Variants in EHMT1 observed in about 807,000 individuals in gnomAD.
EHMT1 encodes euchromatic histone lysine methyltransferase 1.
EHMT1 carries 15 observed loss-of-function variants against 147.2 expected under a neutral mutation model. The ratio of observed to expected loss-of-function variants is 0.10; its 90% CI spans 0.07 to 0.16. The LOEUF (loss-of-function observed/expected upper bound fraction) is 0.16. Among genes scored for constraint, EHMT1 ranks in the 10% least tolerant of loss-of-function variants. The pLI is 1.00. For synonymous variants in EHMT1, 795 were observed against 709.6 expected (o/e 1.12, Z -1.91); for missense variants, 1,587 against 1,772.4 (o/e 0.90, Z 1.88).
chr9:137,773,478 C>A (rs1321668448), intron 10 of EHMT1, among the ~76,000 whole-genome samples: 2 of 150,824 alleles, frequency 1.3e-5, no homozygotes, highest in Non-Finnish European at 3.0e-5. Flanking sequence ...CTCTTGCTGG[C>A]TTCAGGGTAG....
intron 1 of EHMT1, among the ~76,000 whole-genome samples, chr9:137,658,876 C>T (rs111816804): frequency 6.6e-6 from 1 of 152,136 alleles, no homozygotes; most frequent in Non-Finnish European, 1.5e-5. Flanking sequence ...CCTCACACCT[C>T]AGCCTCCCAA....
intron 18 of EHMT1, among the ~76,000 whole-genome samples, chr9:137,802,115 C>T (rs1176634193): frequency 6.6e-6 from 1 of 152,198 alleles, no homozygotes; most frequent in Non-Finnish European, 1.5e-5. Flanking sequence ...GACTGATTAA[C>T]TCAAAAGGGT....
chr9:137,734,634 G>A (rs549853810), intron 4 of EHMT1, among the ~76,000 whole-genome samples: 4 of 152,182 alleles, frequency 2.6e-5, no homozygotes, highest in Non-Finnish European at 5.9e-5. Context: ...TGAACTCAAA[G>A]AGACCCACAG....
intron 1 of EHMT1, among the ~76,000 whole-genome samples, chr9:137,696,790 C>T (rs1332406148): frequency 6.6e-6 from 1 of 152,196 alleles, no homozygotes; most frequent in African/African-American, 2.4e-5. Flanking sequence ...ACACACCCCT[C>T]CCAAAACACA....
In EHMT1 at chr9:137,828,740, GA is replaced by G. The variant is rs1301762164; in HGVS notation, c.3541-5604del. ...TCTCTAAGGCCGGTGGTTCTGGACA[GA>G]AAAACCACAAAAATGAGAAGACCAG... is the stretch of plus-strand genomic sequence containing the variant. On this transcript the variant is annotated intron_variant, in intron 25 of 26. Transcript: ENST00000460843. This position sits in a 1 kb window ranked among gnomAD's most constrained non-coding sequence, Gnocchi z 5.3. Among the ~76,000 whole-genome samples, 1 of 152,154 alleles carries G rather than the reference GA, an allele frequency of 6.6e-6. No individual in the cohort carries two copies. Among genetic ancestry groups the G allele is most frequent in the African/African-American group, 2.4e-5 (1 of 41,432 alleles).
chr9:137,787,793 T>C lies in EHMT1; in HGVS notation c.2383-3055T>C, dbSNP rs1952108316. Reference sequence around the variant, plus strand: ...GAAGAGGGCGTCTAGATCCCAGCCCTGGGGGCCCTCAGGTTTCAGGGGCCA... The same window carrying C: ...GAAGAGGGCGTCTAGATCCCAGCCCCGGGGGCCCTCAGGTTTCAGGGGCCA... On this transcript the variant is annotated intron_variant, in intron 15 of 26. Transcript: ENST00000460843. The surrounding 1 kb of genome is among the most constrained non-coding windows in gnomAD (Gnocchi z 4.2). The C allele has an allele frequency of 1.2e-6, 1 of 854,908 alleles. No individual in the cohort carries two copies. Among genetic ancestry groups the C allele is most frequent in the East Asian group, 2.4e-5 (1 of 41,450 alleles). 53.0% of individuals were successfully genotyped at this position (854,908 alleles called of 1,614,324 possible). A position where few individuals can be genotyped will look rare whatever the true frequency, so the allele number is the denominator to read the frequency against.
At chr9:137,804,567 T>A (rs1443610261) in intron 18 of EHMT1, among the ~76,000 whole-genome samples, 5 of 152,198 alleles carry the variant, frequency 3.3e-5, no homozygotes, top group Admixed American at 1.3e-4. Context: ...TTTTAAAAGT[T>A]TTTATAAAGT....
At chr9:137,654,484 G>A (rs1341892528) in intron 1 of EHMT1, among the ~76,000 whole-genome samples, 1 of 151,688 alleles carries the variant, frequency 6.6e-6, no homozygotes, top group Non-Finnish European at 1.5e-5. Flanking sequence ...TTGTTCCTTA[G>A]GCCAGTATCA....
At chr9:137,801,838 G>T (rs1209713722) in intron 18 of EHMT1, among the ~76,000 whole-genome samples, 2 of 152,026 alleles carry the variant, frequency 1.3e-5, no homozygotes, top group Non-Finnish European at 2.9e-5. Flanking sequence ...TAGCCATGTT[G>T]GCCAGGCTGG....
chr9:137,729,191 G>C (rs954018486), intron 4 of EHMT1, among the ~76,000 whole-genome samples: 1 of 152,154 alleles, frequency 6.6e-6, no homozygotes, highest in African/African-American at 2.4e-5. Flanking sequence ...CCTCGTGAAT[G>C]CTGGGAGGTC....
At position 137,814,523 on chromosome 9, in the gene EHMT1, G is replaced by C; in HGVS notation, c.3258+15G>C. ...GGTACGACAAGGTGAGGGCGGCCTCGTGTGCGTGGGCTCAGGTGGTAAGTG... is the reference window on the plus strand; with the variant it reads ...GGTACGACAAGGTGAGGGCGGCCTCCTGTGCGTGGGCTCAGGTGGTAAGTG... On this transcript the variant is annotated intron_variant, in intron 22 of 26. Transcript: ENST00000460843. 6.2e-7 allele frequency: 1 copy of C among 1,603,098 alleles called. No homozygotes were observed. The highest frequency in any genetic ancestry group is 8.5e-7 in the Non-Finnish European group (1 of 1,179,948).
chr9:137,807,350 G>T (rs1290579114), intron 18 of EHMT1, among the ~76,000 whole-genome samples: 1 of 152,146 alleles, frequency 6.6e-6, no homozygotes, highest in Admixed American at 6.5e-5. Flanking sequence ...TCCGGTCTGT[G>T]TGCTTACATT....
In EHMT1 at chr9:137,752,311, T is replaced by G; in HGVS notation, c.1171-20T>G. ...TCTGTTTTCTGTTTGGGTTCCCGCTTCGACTGTGTGGCTGATCAGATGGAC... is the reference window on the plus strand; with the variant it reads ...TCTGTTTTCTGTTTGGGTTCCCGCTGCGACTGTGTGGCTGATCAGATGGAC... On this transcript the variant is annotated intron_variant, in intron 6 of 26. Coordinates refer to ENST00000460843, the MANE Select transcript of EHMT1 (RefSeq NM_024757.5). 1 of 1,613,838 alleles carries G rather than the reference T, an allele frequency of 6.2e-7. No individual in the cohort carries two copies. Among genetic ancestry groups the G allele is most frequent in the Non-Finnish European group, 8.5e-7 (1 of 1,179,898 alleles).
chr9:137,664,803 G>C (rs758876642), intron 1 of EHMT1: 9 of 152,176 alleles, frequency 5.9e-5, no homozygotes, highest in Non-Finnish European at 1.2e-4. Context: ...ACGCTCTGTT[G>C]CCTTAAGATG....
intron 6 of EHMT1, among the ~76,000 whole-genome samples, chr9:137,750,601 T>C (rs932968069): frequency 1.6e-4 from 25 of 152,230 alleles, no homozygotes; most frequent in African/African-American, 5.5e-4. Context: ...TTTTATTTTC[T>C]CCATGTTTGC....
In EHMT1 at chr9:137,793,639, C is replaced by T. The variant is rs189519734; in HGVS notation, c.2505+2669C>T. On this transcript the variant is annotated intron_variant, in intron 16 of 26. Transcript: ENST00000460843. ...CACAGTAGCTGAAGGACAGAAACAA[C>T]CCAGATGTCTCAGCAGATGCCTGCG... is the stretch of plus-strand genomic sequence containing the variant. Among the ~76,000 whole-genome samples the T allele has an allele frequency of 7.4e-4, 113 of 152,352 alleles. 1 individual carries two copies.
chr9:137,719,369 A>AG (rs1491454728), intron 3 of EHMT1, among the ~76,000 whole-genome samples: 1 of 151,888 alleles, frequency 6.6e-6, no homozygotes, highest in Non-Finnish European at 1.5e-5. Context: ...CTGGCTCCTC[A>AG]GGGGGTGGTG....
At chr9:137,738,583 C>T (rs1303746795) in intron 4 of EHMT1, 1 of 152,118 alleles carries the variant, frequency 6.6e-6, no homozygotes, top group Non-Finnish European at 1.5e-5. Flanking sequence ...TGAAGAGATG[C>T]TTGTACACCC....
intron 15 of EHMT1, chr9:137,784,047 C>A: frequency 4.9e-6 from 4 of 816,432 alleles, no homozygotes; most frequent in South Asian, 4.5e-5. Context: ...TTTTCTCTAG[C>A]TATAAGAGAA....
Sources: allele counts gnomAD v4.1 joint callset (sites outside exome capture counted in the v4.1 genomes callset), GRCh38; gene constraint gnomAD v4.1.1; non-coding constraint Gnocchi (gnomAD v3.1); transcripts MANE v1.5; gene names NCBI Gene and HGNC (gene_info 2026-07-23, HGNC 2026-07-21).